The following TMIGD3 variants were observed in gnomAD, a reference collection of about 807,000 sequenced individuals.
TMIGD3 encodes AD026 protein (AD026).
Under a neutral mutation model 28.1 loss-of-function variants are expected in TMIGD3, and 21 were observed. That is an observed-to-expected ratio of 0.75 (90% confidence interval 0.53 to 1.08). The LOEUF (loss-of-function observed/expected upper bound fraction) is 1.08. Ranked by LOEUF, TMIGD3 falls within the 50% of genes least tolerant of loss-of-function variation. TMIGD3 has a pLI of 0.00. For missense variants in TMIGD3, 416 were observed against 435.6 expected (o/e 0.96, Z 0.40); for synonymous variants, 151 against 162.1 (o/e 0.93, Z 0.52).
intron 1 of TMIGD3, among the ~76,000 whole-genome samples, chr1:111,555,541 A>T (rs2101040951): frequency 6.6e-6 from 1 of 152,172 alleles, no homozygotes; most frequent in Non-Finnish European, 1.5e-5. Flanking sequence ...ATTTTACAGA[A>T]TTCAGCTTAG....
intron 1 of TMIGD3, among the ~76,000 whole-genome samples, chr1:111,497,189 C>T (rs1350283511): frequency 6.6e-6 from 1 of 152,184 alleles, no homozygotes; most frequent in Non-Finnish European, 1.5e-5. Context: ...CGGCTCACTG[C>T]AAGCTCCGCC....
chr1:111,502,212 A>ACC (rs2100981987), intron 1 of TMIGD3, among the ~76,000 whole-genome samples: 1 of 33,862 alleles, frequency 3.0e-5, no homozygotes, highest in African/African-American at 9.1e-5. Flanking sequence ...AATATATAGG[A>ACC]TATATATTTA....
intron 1 of TMIGD3, among the ~76,000 whole-genome samples, chr1:111,494,981 A>G (rs1351735800): frequency 1.3e-5 from 2 of 152,240 alleles, no homozygotes; most frequent in Admixed American, 1.3e-4. Flanking sequence ...CTTATACCAT[A>G]TACAAAAATC....
intron 1 of TMIGD3, among the ~76,000 whole-genome samples, chr1:111,541,287 G>C (rs1228225631): frequency 1.3e-5 from 2 of 152,210 alleles, no homozygotes; most frequent in Non-Finnish European, 2.9e-5. Context: ...TAATGGGATT[G>C]ATTAATTGCT....
At chr1:111,547,411 C>T (rs1049177381) in intron 1 of TMIGD3, among the ~76,000 whole-genome samples, 12 of 152,000 alleles carry the variant, frequency 7.9e-5, no homozygotes, top group African/African-American at 2.7e-4. Context: ...TCAAATCAAT[C>T]TTTCATTTCT....
intron 5 of TMIGD3, among the ~76,000 whole-genome samples, chr1:111,484,786 G>A (rs1372419407): frequency 6.6e-6 from 1 of 152,218 alleles, no homozygotes; most frequent in Non-Finnish European, 1.5e-5. Flanking sequence ...ATACCCAAGG[G>A]AGGTTGCAGT....
At chr1:111,499,978 T>A in intron 1 of TMIGD3, 1 of 1,614,130 alleles carries the variant, frequency 6.2e-7, no homozygotes, top group Non-Finnish European at 8.5e-7. Context: ...AATGCTTGTG[T>A]CCAAAGAATC....
Position 111,485,723 on chromosome 1 carries a change from C to CAAAAAAAAAAAAAA in TMIGD3, c.973+16_973+17insTTTTTTTTTTTTTT. The CAAAAAAAAAAAAAA allele has an allele frequency of 7.5e-7, 1 of 1,324,636 alleles. No homozygotes were observed. Among genetic ancestry groups the CAAAAAAAAAAAAAA allele is most frequent in the Non-Finnish European group, 1.1e-6 (1 of 933,684 alleles). The allele number at this position is 1,324,636 out of a possible 1,614,324, so 82.1% of individuals were successfully genotyped here. A position where few individuals can be genotyped will look rare whatever the true frequency, so the allele number is the denominator to read the frequency against. ...TCTAATTCTTGCCCACCCCCTCCCT[C>CAAAAAAAAAAAAAA]AACAATAGCTACTTACCCCTTCTAT... On this transcript the variant is annotated intron_variant, in intron 5 of 5. Transcript: ENST00000369716.
At chr1:111,488,348 A>AGCCTTT (rs1654486561) in intron 3 of TMIGD3, among the ~76,000 whole-genome samples, 1 of 152,176 alleles carries the variant, frequency 6.6e-6, no homozygotes, top group Admixed American at 6.5e-5. Context: ...ACATTTAATA[A>AGCCTTT]CAACTTCAAA....
chr1:111,522,698 A>T (rs1656117422), intron 1 of TMIGD3, among the ~76,000 whole-genome samples: 2 of 151,672 alleles, frequency 1.3e-5, no homozygotes, highest in African/African-American at 4.8e-5. Context: ...TTGTACTTTT[A>T]GTAGAGATGG....
At chr1:111,510,705 G>A (rs1432589428) in intron 1 of TMIGD3, among the ~76,000 whole-genome samples, 1 of 152,112 alleles carries the variant, frequency 6.6e-6, no homozygotes, top group African/African-American at 2.4e-5. Context: ...TTTTGGCAGT[G>A]TGCAAGGTAT....
intron 2 of TMIGD3, chr1:111,489,811 C>T (rs1654571487): frequency 5.3e-6 from 5 of 947,712 alleles, no homozygotes; most frequent in South Asian, 4.7e-5. Context: ...TTCATGTTCC[C>T]TCCGTACAAG....
In TMIGD3 at chr1:111,503,439, C is replaced by A. The variant is rs1017096647; in HGVS notation, c.-85G>T. 2.5e-5 allele frequency: 37 copies of A among 1,497,278 alleles called. No individual in the cohort carries two copies. Among genetic ancestry groups the A allele is most frequent in the Middle Eastern group, 1.8e-4 (1 of 5,510 alleles). The allele number at this position is 1,497,278 out of a possible 1,614,324, so 92.7% of individuals were successfully genotyped here. On this transcript the variant is annotated 5_prime_UTR_variant, in exon 1 of 6. Coordinates refer to ENST00000369716, the MANE Select transcript of TMIGD3 (RefSeq NM_020683.7). Reference sequence around the variant, plus strand: ...GCCAGTGGGCCTAGCTCTCGCCAGACGTCTTCCCAGAGGTCCATGTGCAGT... The same window carrying A: ...GCCAGTGGGCCTAGCTCTCGCCAGAAGTCTTCCCAGAGGTCCATGTGCAGT...
At chr1:111,516,860 A>G (rs1325086436) in intron 1 of TMIGD3, among the ~76,000 whole-genome samples, 1 of 152,210 alleles carries the variant, frequency 6.6e-6, no homozygotes, top group Non-Finnish European at 1.5e-5. Flanking sequence ...CTGAGTGTTG[A>G]TGGGTAAACC....
chr1:111,484,528 C>T (rs1266429160), intron 5 of TMIGD3, among the ~76,000 whole-genome samples: 1 of 152,162 alleles, frequency 6.6e-6, no homozygotes, highest in African/African-American at 2.4e-5. Flanking sequence ...GTCCACATGC[C>T]CCACCTTCAC....
At chr1:111,528,491 T>C (rs926986282) in intron 1 of TMIGD3, among the ~76,000 whole-genome samples, 2 of 152,292 alleles carry the variant, frequency 1.3e-5, no homozygotes, top group East Asian at 3.9e-4. Flanking sequence ...TGTTGGCTAT[T>C]CTGGGTTTTT....
rs1395056388 is a variant in TMIGD3 at position 111,563,889 on chromosome 1, C to T, written c.64G>A (p.Glu22Lys). Residue 22 changes from glutamate (E) to lysine (K), a missense_variant, in exon 1 of 6, where the codon GAG becomes AAG. Glu to Lys is a moderately conservative substitution (Grantham distance 56). Coordinates refer to the TMIGD3 transcript ENST00000369717. Reference sequence around the variant, plus strand: ...CAGCCCAGTGTCCAGTCTGGCTGCTCTTCCCAGGAGCTTTCCCACCTGGCC... The same window carrying T: ...CAGCCCAGTGTCCAGTCTGGCTGCTTTTCCCAGGAGCTTTCCCACCTGGCC... 3.7e-6 allele frequency: 6 copies of T among 1,613,676 alleles called. No homozygotes were observed. The African/African-American group carries it at 5.3e-5, about 14-fold the overall frequency.
chr1:111,534,169 T>G (rs1033709523), intron 1 of TMIGD3, among the ~76,000 whole-genome samples: 1 of 152,226 alleles, frequency 6.6e-6, no homozygotes, highest in Non-Finnish European at 1.5e-5. Flanking sequence ...GCCATGCATG[T>G]TGTTCTACAA....
chr1:111,490,332 G>A (rs79785231), intron 2 of TMIGD3: 4,443 of 250,848 alleles, frequency 0.018, 57 homozygotes, highest in South Asian at 0.031. Context: ...TATGGAATGC[G>A]TAATGAATTT....
Sources: gnomAD v4.1 joint callset for allele counts (sites outside exome capture counted in the v4.1 genomes callset) on GRCh38, gnomAD v4.1.1 for gene constraint, MANE v1.5 for transcripts, NCBI Gene and HGNC (gene_info 2026-07-23, HGNC 2026-07-21) for gene names.